Variants in FBXL17 observed in about 807,000 individuals in gnomAD.
FBXL17 encodes the protein F-box/LRR-repeat protein 17.
A neutral mutation model predicts 66.2 loss-of-function variants in FBXL17; 22 were observed. That is an observed-to-expected ratio of 0.33 (90% confidence interval 0.24 to 0.47). FBXL17 has a LOEUF of 0.47. Ranked by LOEUF, FBXL17 falls within the 20% of genes least tolerant of loss-of-function variation. FBXL17 has a pLI of 1.00. For synonymous variants in FBXL17, 474 were observed against 400.5 expected (o/e 1.18, Z -2.19); for missense variants, 878 against 948.2 (o/e 0.93, Z 0.97).
At chr5:108,305,516 C>CAGAA (rs1055698752) in intron 4 of FBXL17, among the ~76,000 whole-genome samples, 5 of 151,884 alleles carry the variant, frequency 3.3e-5, no homozygotes, top group African/African-American at 1.2e-4. Flanking sequence ...GATTGCTAAG[C>CAGAA]AGAAGTGAGG....
intron 7 of FBXL17, among the ~76,000 whole-genome samples, chr5:107,975,228 T>A (rs552112575): frequency 6.6e-6 from 1 of 152,316 alleles, no homozygotes; most frequent in African/African-American, 2.4e-5. Flanking sequence ...ATATTGGCTT[T>A]GACTGCTCAT....
chr5:108,260,936 A>G (rs772381719), intron 4 of FBXL17, among the ~76,000 whole-genome samples: 3 of 152,200 alleles, frequency 2.0e-5, no homozygotes, highest in Non-Finnish European at 2.9e-5. Flanking sequence ...TATGTGCTGA[A>G]GCAGAATTAT....
intron 5 of FBXL17, among the ~76,000 whole-genome samples, chr5:108,211,308 GC>G (rs1754360637): frequency 6.6e-6 from 1 of 152,130 alleles, no homozygotes; most frequent in South Asian, 2.1e-4. Flanking sequence ...TTTAATTGGG[GC>G]ATTTAGCCAG....
At chr5:107,895,117 T>C (rs771031717) in intron 7 of FBXL17, among the ~76,000 whole-genome samples, 35 of 152,176 alleles carry the variant, frequency 2.3e-4, no homozygotes, top group Non-Finnish European at 4.1e-4. Flanking sequence ...CCTCTGGTTC[T>C]ACACTTAGCA....
rs1440473463 is a variant in FBXL17, at chr5:108,013,214, T to C, written c.1822+7711A>G. Among the ~76,000 whole-genome samples the C allele has an allele frequency of 2.0e-5, 3 of 152,140 alleles. No homozygotes were observed. In the East Asian group the frequency reaches 5.8e-4, roughly 29 times the overall value. ...GTGATAACCCAAAGTAATATTTCCT[T>C]TTACATAATATATGTTAATGGAAGT... On this transcript the variant is annotated intron_variant, in intron 7 of 8. Transcript: ENST00000542267.
intron 1 of FBXL17, among the ~76,000 whole-genome samples, chr5:108,369,777 T>A (rs1441730464): frequency 6.6e-6 from 1 of 152,034 alleles, no homozygotes; most frequent in African/African-American, 2.4e-5. Flanking sequence ...AGATCCAGAA[T>A]TGAACCAATT....
chr5:108,251,224 T>C (rs1177688025), intron 4 of FBXL17, among the ~76,000 whole-genome samples: 2 of 152,008 alleles, frequency 1.3e-5, no homozygotes, highest in African/African-American at 4.8e-5. Context: ...TGTCCCTTGC[T>C]TCATGCTCCT....
At chr5:108,274,901 G>A (rs560593059) in intron 4 of FBXL17, among the ~76,000 whole-genome samples, 2 of 152,224 alleles carry the variant, frequency 1.3e-5, no homozygotes, top group South Asian at 4.1e-4. Flanking sequence ...AACCCCAAGT[G>A]TAAGTACAAT....
At chr5:108,148,944 C>G (rs1454571408) in intron 6 of FBXL17, among the ~76,000 whole-genome samples, 1 of 152,232 alleles carries the variant, frequency 6.6e-6, no homozygotes, top group Non-Finnish European at 1.5e-5. Flanking sequence ...AACTACATGT[C>G]AGTCCTGTGT....
rs893862971 is a variant in FBXL17 at position 107,953,089 on chromosome 5, G to T, written c.1822+67836C>A. Among the ~76,000 whole-genome samples the T allele has an allele frequency of 4.9e-5, 3 of 61,724 alleles. No homozygotes were observed. The East Asian group carries it at 9.4e-4, about 19-fold the overall frequency. 40.5% of individuals were successfully genotyped at this position (61,724 alleles called of 152,430 possible). A position where few individuals can be genotyped will look rare whatever the true frequency, so the allele number is the denominator to read the frequency against. ...AGGTACAAGGAATTTCAAGACTCTTGTTTCATACTTTAAAAAAAAAAGGCA... is the reference window on the plus strand; with the variant it reads ...AGGTACAAGGAATTTCAAGACTCTTTTTTCATACTTTAAAAAAAAAAGGCA... On this transcript the variant is annotated intron_variant, in intron 7 of 8. Coordinates refer to ENST00000542267, the MANE Select transcript of FBXL17 (RefSeq NM_001163315.3).
rs757565099 is a variant in FBXL17 at position 107,880,943 on chromosome 5, CG to C, written c.1965+93del. 5.6e-6 allele frequency: 9 copies of C among 1,602,084 alleles called. No homozygotes were observed. The South Asian group carries it at 8.8e-5, about 16-fold the overall frequency. ...AAATGTATATATAATATATAATACA[CG>C]GGGGTGGAGATAGAGAAGGAGAGAG... On this transcript the variant is annotated intron_variant, in intron 8 of 8. Transcript: ENST00000542267.
chr5:108,034,072 C>A (rs182504966), intron 6 of FBXL17, among the ~76,000 whole-genome samples: 47 of 152,236 alleles, frequency 3.1e-4, no homozygotes, highest in Non-Finnish European at 5.9e-4. Context: ...ATTTCACATG[C>A]TAGTTCTTTG....
intron 7 of FBXL17, among the ~76,000 whole-genome samples, chr5:108,009,621 G>A (rs145158806): frequency 1.3e-5 from 2 of 152,026 alleles, no homozygotes; most frequent in East Asian, 3.9e-4. Context: ...AAACACATTT[G>A]ACAGATAAAT....
At position 108,049,975 on chromosome 5, in the gene FBXL17, T is replaced by C. The variant is rs149283548; in HGVS notation, c.1746-28974A>G. Among the ~76,000 whole-genome samples the C allele has an allele frequency of 2.3e-4, 35 of 152,006 alleles. No homozygotes were observed. The East Asian group carries it at 6.8e-3, about 29-fold the overall frequency. On this transcript the variant is annotated intron_variant, in intron 6 of 8. Transcript: ENST00000542267. ...AAAACAGACTTCAAACCAACAAAGA[T>C]CAAATAAGACAAAGAAGGGCATTAC... is the stretch of plus-strand genomic sequence containing the variant.
chr5:108,148,368 C>T (rs914514517), intron 6 of FBXL17, among the ~76,000 whole-genome samples: 2 of 152,206 alleles, frequency 1.3e-5, no homozygotes, highest in Non-Finnish European at 2.9e-5. Flanking sequence ...TAGTGCTCCA[C>T]TTTAACCAAT....
intron 4 of FBXL17, among the ~76,000 whole-genome samples, chr5:108,291,443 G>A (rs1211455870): frequency 6.6e-6 from 1 of 152,142 alleles, no homozygotes; most frequent in African/African-American, 2.4e-5. Context: ...ATTACTGGCA[G>A]GAGAAATGAA....
intron 6 of FBXL17, among the ~76,000 whole-genome samples, chr5:108,044,032 ATGTT>A (rs1747150518): frequency 6.6e-6 from 1 of 152,168 alleles, no homozygotes; most frequent in Non-Finnish European, 1.5e-5. Context: ...CGAGTTTTGT[ATGTT>A]TATCTTTTAT....
intron 6 of FBXL17, among the ~76,000 whole-genome samples, chr5:108,075,496 G>T (rs1351886096): frequency 2.6e-5 from 4 of 152,128 alleles, no homozygotes; most frequent in Admixed American, 1.3e-4. Flanking sequence ...TTTGTTTTGA[G>T]ATGGAGTTTC....
chr5:108,340,020 G>A (rs1019108858), intron 4 of FBXL17, among the ~76,000 whole-genome samples: 4 of 151,526 alleles, frequency 2.6e-5, no homozygotes, highest in Non-Finnish European at 5.9e-5. Flanking sequence ...TCTTCCATAC[G>A]ACACTGGCAC....
Sources: allele counts gnomAD v4.1 joint callset (sites outside exome capture counted in the v4.1 genomes callset), GRCh38; gene constraint gnomAD v4.1.1; transcripts MANE v1.5; gene names NCBI Gene and HGNC (gene_info 2026-07-23, HGNC 2026-07-21).